Variants in SFSWAP observed in about 807,000 individuals in gnomAD.
SFSWAP encodes the protein splicing factor SWAP.
SFSWAP carries 17 observed loss-of-function variants against 100.7 expected under a neutral mutation model. The observed-to-expected ratio is 0.17, with a 90% CI of 0.12 to 0.25. SFSWAP has a LOEUF of 0.25. Among genes scored for constraint, SFSWAP ranks in the 10% least tolerant of loss-of-function variants. SFSWAP has a pLI of 1.00. For missense variants in SFSWAP, 1,005 were observed against 1,262.6 expected, an observed-to-expected ratio of 0.80 and a Z score of 3.09; for synonymous variants, 504 against 510.1, an observed-to-expected ratio of 0.99 and a Z score of 0.16.
At chr12:131,781,234 A>ATTTTTTTT (rs66608201) in intron 14 of SFSWAP, among the ~76,000 whole-genome samples, 12 of 102,290 alleles carry the variant, frequency 1.2e-4, no homozygotes, top group African/African-American at 3.8e-4. Context: ...ATATCTTATT[A>ATTTTTTTT]TTTTTTTTTT....
intron 7 of SFSWAP, among the ~76,000 whole-genome samples, chr12:131,737,616 A>G (rs146746679): frequency 6.6e-6 from 1 of 152,180 alleles, no homozygotes; most frequent in African/African-American, 2.4e-5. Flanking sequence ...CATACCCAGT[A>G]CTGCTGTGTC....
At chr12:131,770,942 G>T (rs1302996941) in intron 13 of SFSWAP, among the ~76,000 whole-genome samples, 1 of 152,236 alleles carries the variant, frequency 6.6e-6, no homozygotes, top group African/African-American at 2.4e-5. Flanking sequence ...TGCAGTGTCT[G>T]TGCTTCTGTG....
At chr12:131,719,392 G>A (rs1878246837) in intron 3 of SFSWAP, 62 bp from the exon 4 acceptor site, 1 of 1,206,268 alleles carries the variant, frequency 8.3e-7, no homozygotes, top group African/African-American at 1.5e-5. Context: ...CTTGCTGCCT[G>A]CTGTTAGCAG....
chr12:131,773,147 C>T (rs1883751625), intron 13 of SFSWAP, among the ~76,000 whole-genome samples: 1 of 152,156 alleles, frequency 6.6e-6, no homozygotes, highest in Non-Finnish European at 1.5e-5. Context: ...GCCACGGGTC[C>T]AGGCTTGAGT....
At chr12:131,752,280 C>A (rs1172714621) in intron 7 of SFSWAP, among the ~76,000 whole-genome samples, 1 of 152,216 alleles carries the variant, frequency 6.6e-6, no homozygotes, top group African/African-American at 2.4e-5. Context: ...GAAATTAAAT[C>A]TCTGTGTAGT....
chr12:131,714,361 G>A lies in SFSWAP; in HGVS notation c.388+121G>A, dbSNP rs1877686692. 1.2e-6 allele frequency: 1 copy of A among 817,878 alleles called. No homozygotes were observed. The allele number at this position is 817,878 out of a possible 1,614,324, so 50.7% of individuals were successfully genotyped here. On this transcript the variant is annotated intron_variant, in intron 2 of 17. Coordinates refer to ENST00000261674, the MANE Select transcript of SFSWAP (RefSeq NM_004592.4). The surrounding 1 kb of genome is among the most constrained non-coding windows in gnomAD (Gnocchi z 6.0). ...TCTGATATTATCTTGACAGTACCCAGTGGATTGGAAAAACAGGAGTCTTTG... is the reference window on the plus strand; with the variant it reads ...TCTGATATTATCTTGACAGTACCCAATGGATTGGAAAAACAGGAGTCTTTG...
chr12:131,766,129 C>T lies in SFSWAP; in HGVS notation c.1963C>T (p.Leu655=). The T allele has an allele frequency of 3.7e-6, 6 of 1,610,560 alleles. No individual in the cohort carries two copies. Among genetic ancestry groups the T allele is most frequent in the Non-Finnish European group, 5.1e-6 (6 of 1,178,850 alleles). The change falls in exon 13 of 18, where the codon CTG becomes TTG. Residue 655 remains leucine (L), a synonymous_variant. Transcript: ENST00000261674. ...ELEAKQAKQK[L]EDRLAAAARE... ...GTTTATTCCTTAAGCAAAGCAAAAG[C>T]TGGAAGATCGCCTCGCAGCTGCTGC...
chr12:131,765,500 T>A (rs998461257), intron 12 of SFSWAP, among the ~76,000 whole-genome samples: 1 of 151,782 alleles, frequency 6.6e-6, no homozygotes, highest in Non-Finnish European at 1.5e-5. Context: ...AAAACAAAAT[T>A]AGCCGGGCGT....
chr12:131,794,038 CTCTA>C lies in SFSWAP; in HGVS notation c.2535-3138_2535-3135del, dbSNP rs1885461942. ...CTGTCCTGTTCCTAGCTGTGAACTCCTCTATAAAGTCAACATTTAACCAAAAACA... is the reference window on the plus strand; with the variant it reads ...CTGTCCTGTTCCTAGCTGTGAACTCCTAAAGTCAACATTTAACCAAAAACA... On this transcript the variant is annotated intron_variant, in intron 15 of 17. Coordinates refer to ENST00000261674, the MANE Select transcript of SFSWAP (RefSeq NM_004592.4). The surrounding 1 kb of genome is among the most constrained non-coding windows in gnomAD (Gnocchi z 4.8). Among the ~76,000 whole-genome samples, 1 of 152,212 alleles carries C rather than the reference CTCTA, an allele frequency of 6.6e-6. No homozygotes were observed. Among genetic ancestry groups the C allele is most frequent in the African/African-American group, 2.4e-5 (1 of 41,450 alleles).
intron 7 of SFSWAP, among the ~76,000 whole-genome samples, chr12:131,737,262 G>A (rs1031676519): frequency 6.6e-6 from 1 of 152,282 alleles, no homozygotes; most frequent in Non-Finnish European, 1.5e-5. Context: ...GTCAGAAGGG[G>A]AGGGAAGTGT....
intron 13 of SFSWAP, among the ~76,000 whole-genome samples, chr12:131,775,440 G>A (rs1437150433): frequency 1.3e-5 from 2 of 152,168 alleles, no homozygotes; most frequent in Non-Finnish European, 1.5e-5. Context: ...TCTGCGCAGC[G>A]TGTGCTCCTG....
intron 15 of SFSWAP, 68 bp from the exon 16 acceptor site, chr12:131,797,110 G>A (rs1432905822): frequency 2.7e-5 from 40 of 1,457,338 alleles, no homozygotes; most frequent in Middle Eastern, 1.8e-4. Context: ...GCTCAGATCC[G>A]AGCTTCTCCC....
chr12:131,743,591 C>T (rs565493461), intron 7 of SFSWAP, among the ~76,000 whole-genome samples: 50 of 152,378 alleles, frequency 3.3e-4, no homozygotes, highest in African/African-American at 8.7e-4. Flanking sequence ...AACCTCCCTC[C>T]CGGCTGCTTT....
At chr12:131,798,176 C>G (rs774140757) in intron 16 of SFSWAP, among the ~76,000 whole-genome samples, 1 of 152,034 alleles carries the variant, frequency 6.6e-6, no homozygotes, top group Non-Finnish European at 1.5e-5. Flanking sequence ...AGGTGGCACG[C>G]GTCTGTAATC....
At chr12:131,791,177 G>A (rs1234462077) in intron 15 of SFSWAP, among the ~76,000 whole-genome samples, 1 of 152,020 alleles carries the variant, frequency 6.6e-6, no homozygotes, top group African/African-American at 2.4e-5. Flanking sequence ...TGGATCACCT[G>A]GGGTCAGGAG....
At chr12:131,755,575 A>G in intron 10 of SFSWAP, 96 bp downstream of exon 10, 1 of 810,498 alleles carries the variant, frequency 1.2e-6, no homozygotes, top group Non-Finnish European at 2.1e-6. Context: ...TACAGGTGAA[A>G]GGGCTGGGTG....
At chr12:131,753,613 C>T in intron 8 of SFSWAP, 1 of 533,096 alleles carries the variant, frequency 1.9e-6, no homozygotes, top group Non-Finnish European at 3.3e-6. Flanking sequence ...GCACGCTGGC[C>T]CCAGATCTCC....
rs1241096468 is a variant in SFSWAP, at chr12:131,794,478, A to G, written c.2535-2700A>G. Among the ~76,000 whole-genome samples the G allele has an allele frequency of 6.6e-6, 1 of 152,204 alleles. No homozygotes were observed. Among genetic ancestry groups the G allele is most frequent in the Non-Finnish European group, 1.5e-5 (1 of 68,034 alleles). Reference sequence around the variant, plus strand: ...CTGGAGCCTGGGAGGTCAAGGCTACAGTGAGCAGGGATTATGCCCCTGCAC... The same window carrying G: ...CTGGAGCCTGGGAGGTCAAGGCTACGGTGAGCAGGGATTATGCCCCTGCAC... On this transcript the variant is annotated intron_variant, in intron 15 of 17. Transcript: ENST00000261674. The surrounding 1 kb of genome is among the most constrained non-coding windows in gnomAD (Gnocchi z 4.8).
chr12:131,783,792 T>TTATATATATATACATATATATA (rs1884675602), intron 14 of SFSWAP: 2 of 86,684 alleles, frequency 2.3e-5, no homozygotes, highest in African/African-American at 3.6e-5. Context: ...AAAAAACATT[T>TTATATATATATACATATATATA]TATATATATA....
Sources: allele counts gnomAD v4.1 joint callset (sites outside exome capture counted in the v4.1 genomes callset), GRCh38; gene constraint gnomAD v4.1.1; non-coding constraint Gnocchi (gnomAD v3.1); transcripts MANE v1.5; gene names NCBI Gene and HGNC (gene_info 2026-07-23, HGNC 2026-07-21).